Variants in RAB1A observed in about 807,000 individuals in gnomAD.
RAB1A encodes the protein RAB1A, member RAS oncogene family.
RAB1A carries 2 observed loss-of-function variants against 26.0 expected under a neutral mutation model. The ratio of observed to expected loss-of-function variants is 0.08; its 90% confidence interval spans 0.03 to 0.24. The LOEUF is 0.24. Among genes scored for constraint, RAB1A ranks in the 10% least tolerant of loss-of-function variants. The pLI is 1.00. For missense variants in RAB1A, 100 were observed against 247.0 expected, an observed-to-expected ratio of 0.40 and a Z score of 3.99; for synonymous variants, 84 against 84.9, an observed-to-expected ratio of 0.99 and a Z score of 0.06.
intron 1 of RAB1A, among the ~76,000 whole-genome samples, chr2:65,117,214 C>T (rs1669845609): frequency 1.3e-5 from 2 of 151,662 alleles, no homozygotes. Context: ...CACAAGCACA[C>T]CAACCACACC....
chr2:65,125,890 T>TTTTTA (rs1670088243), intron 1 of RAB1A, among the ~76,000 whole-genome samples: 2 of 117,634 alleles, frequency 1.7e-5, no homozygotes, highest in African/African-American at 6.0e-5. Flanking sequence ...TTTTTTTTTT[T>TTTTTA]GAGACAAGTC....
chr2:65,126,785 T>C (rs1257386938), intron 1 of RAB1A, among the ~76,000 whole-genome samples: 1 of 152,244 alleles, frequency 6.6e-6, no homozygotes, highest in Non-Finnish European at 1.5e-5. Context: ...TGGAACAAGA[T>C]GTTAAAAACG....
At chr2:65,089,700 T>C (rs1669122697) in intron 4 of RAB1A, among the ~76,000 whole-genome samples, 1 of 69,234 alleles carries the variant, frequency 1.4e-5, no homozygotes, top group South Asian at 6.2e-4. Flanking sequence ...GAAATTTGAT[T>C]AATTTTTTTT....
intron 3 of RAB1A, among the ~76,000 whole-genome samples, chr2:65,094,565 CAA>C (rs1392045332): frequency 7.7e-6 from 1 of 129,978 alleles, no homozygotes; most frequent in Non-Finnish European, 1.6e-5. Context: ...GTCTGGGCAA[CAA>C]GAGCGAAACT....
chr2:65,122,310 A>G (rs1448381674), intron 1 of RAB1A, among the ~76,000 whole-genome samples: 1 of 151,578 alleles, frequency 6.6e-6, no homozygotes, highest in Non-Finnish European at 1.5e-5. Flanking sequence ...CACTTTGGGA[A>G]GCTGAGGCAG....
chr2:65,118,453 G>A (rs750649966), intron 1 of RAB1A, among the ~76,000 whole-genome samples: 1 of 150,652 alleles, frequency 6.6e-6, no homozygotes, highest in African/African-American at 2.5e-5. Context: ...TCTGATGATA[G>A]AGAAAGGCTA....
intron 2 of RAB1A, among the ~76,000 whole-genome samples, chr2:65,103,611 GTAT>G (rs1669487144): frequency 6.6e-6 from 1 of 151,858 alleles, no homozygotes; most frequent in South Asian, 2.1e-4. Flanking sequence ...TTTTATATTA[GTAT>G]TATTACCAAG....
At chr2:65,122,165 A>T (rs1413679826) in intron 1 of RAB1A, among the ~76,000 whole-genome samples, 608 of 19,536 alleles carry the variant, frequency 0.031, 25 homozygotes, top group African/African-American at 0.074. Flanking sequence ...CAAAAAAAAA[A>T]AAAAAAAAAA....
In RAB1A at chr2:65,088,494, T is replaced by C; in HGVS notation, c.617A>G (p.Ter206=). The C allele has an allele frequency of 1.9e-6, 3 of 1,595,444 alleles. No individual in the cohort carries two copies. The highest frequency in any genetic ancestry group is 3.4e-4 in the Middle Eastern group (2 of 5,952). Residue 206 remains the stop codon, a stop_retained_variant, in exon 6 of 6, where the codon TAA becomes TGA. Coordinates refer to ENST00000409784, the MANE Select transcript of RAB1A (RefSeq NM_004161.5). Reference sequence around the variant, plus strand: ...GTGAGAAAAGGATGGAGGCAAATTTTAGCAGCAACCTCCACCTGACTGCTT... The same window carrying C: ...GTGAGAAAAGGATGGAGGCAAATTTCAGCAGCAACCTCCACCTGACTGCTT... ...PVKQSGGGCC[*]
chr2:65,102,961 A>G (rs1482365652), intron 2 of RAB1A, among the ~76,000 whole-genome samples: 2 of 152,036 alleles, frequency 1.3e-5, no homozygotes, highest in Non-Finnish European at 2.9e-5. Flanking sequence ...CACAGAAAAA[A>G]ATAAAGCAGT....
chr2:65,089,700 TAA>T (rs1398677708), intron 4 of RAB1A, among the ~76,000 whole-genome samples: 3 of 69,232 alleles, frequency 4.3e-5, no homozygotes, highest in African/African-American at 5.9e-5. Context: ...GAAATTTGAT[TAA>T]TTTTTTTTTT....
At chr2:65,093,694 C>T (rs1669221792) in intron 3 of RAB1A, among the ~76,000 whole-genome samples, 1 of 150,122 alleles carries the variant, frequency 6.7e-6, no homozygotes, top group Admixed American at 6.7e-5. Flanking sequence ...GCAATCTTGG[C>T]TCACTGCAAT....
In RAB1A at chr2:65,129,964, G is replaced by A. The variant is rs773360225; in HGVS notation, c.-49C>T. On this transcript the variant is annotated 5_prime_UTR_variant, in exon 1 of 6. Transcript: ENST00000409784. The stretch of plus-strand genomic sequence containing the variant: ...CACCGCCGCCCTTGCTGCCGCAGCC[G>A]CCGCCCTGACTCTCCGCGCCACGGG... 19 of 1,564,466 alleles carry A rather than the reference G, an allele frequency of 1.2e-5. No homozygotes were observed. The highest frequency in any genetic ancestry group is 4.3e-6 in the Non-Finnish European group (5 of 1,154,612).
chr2:65,100,144 G>C (rs1208937146), intron 2 of RAB1A, among the ~76,000 whole-genome samples: 1 of 152,134 alleles, frequency 6.6e-6, no homozygotes, highest in African/African-American at 2.4e-5. Context: ...GCTCACACCT[G>C]TAATACCAGC....
intron 2 of RAB1A, among the ~76,000 whole-genome samples, chr2:65,099,338 T>C (rs9784118): frequency 0.82 from 124,736 of 152,224 alleles, 51,206 homozygotes; most frequent in African/African-American, 0.83. Flanking sequence ...AACTGCTTCT[T>C]GCAAGTACCT....
chr2:65,111,535 T>C (rs1669694014), intron 1 of RAB1A, among the ~76,000 whole-genome samples: 1 of 152,110 alleles, frequency 6.6e-6, no homozygotes, highest in Non-Finnish European at 1.5e-5. Context: ...AAATACAATA[T>C]GGTATACTGA....
rs1418844867 is a variant in RAB1A at position 65,101,737 on chromosome 2, ACTTC to A, written c.96+2993_96+2996del. ...TCCATATTTATTGGCAATTTGTATT[ACTTC>A]CTTTTTTTTTTTTTTTTTTTTTTTT... On this transcript the variant is annotated intron_variant, in intron 2 of 5. Coordinates refer to ENST00000409784, the MANE Select transcript of RAB1A (RefSeq NM_004161.5). 1.3e-3 allele frequency among the ~76,000 whole-genome samples: 160 copies of A among 125,352 alleles called. 1 individual carries two copies. Among genetic ancestry groups the A allele is most frequent in the African/African-American group, 4.6e-3 (149 of 32,108 alleles). 82.2% of individuals were successfully genotyped at this position (125,352 alleles called of 152,430 possible). A position where few individuals can be genotyped will look rare whatever the true frequency, so the allele number is the denominator to read the frequency against.
Position 65,098,132 on chromosome 2 carries a change from A to G in RAB1A, c.97-66T>C, listed in dbSNP as rs781747975. ...TGGAGCAGATGCAAGTCTAAGTGGA[A>G]AAAAAAAAACTGTTGTTCAAGAGTA... On this transcript the variant is annotated intron_variant, in intron 2 of 5. Transcript: ENST00000409784. 82 of 881,134 alleles carry G rather than the reference A, an allele frequency of 9.3e-5. 1 individual carries two copies. Among genetic ancestry groups the G allele is most frequent in the South Asian group, 3.1e-4 (15 of 48,158 alleles). 54.6% of individuals were successfully genotyped at this position (881,134 alleles called of 1,614,324 possible). A position where few individuals can be genotyped will look rare whatever the true frequency, so the allele number is the denominator to read the frequency against.
At chr2:65,100,991 C>T (rs1381515146) in intron 2 of RAB1A, among the ~76,000 whole-genome samples, 3 of 151,544 alleles carry the variant, frequency 2.0e-5, no homozygotes, top group African/African-American at 7.3e-5. Flanking sequence ...ACTAAAAATA[C>T]AAAAATTAGC....
Sources: gnomAD v4.1 joint callset for allele counts (sites outside exome capture counted in the v4.1 genomes callset) on GRCh38, gnomAD v4.1.1 for gene constraint, MANE v1.5 for transcripts, NCBI Gene and HGNC (gene_info 2026-07-23, HGNC 2026-07-21) for gene names.